KIAA1549: variants seen among roughly 807,000 people sequenced by gnomAD.
KIAA1549 encodes the protein KIAA1549, also known as UPF0606 protein KIAA1549.
In KIAA1549, 70 loss-of-function variants were observed where a neutral mutation model predicts 156.4. The observed-to-expected ratio is 0.45, with a 90% CI of 0.37 to 0.55. The LOEUF is 0.55. Among genes scored for constraint, KIAA1549 ranks in the 20% least tolerant of loss-of-function variants. The pLI is 0.00. For synonymous variants in KIAA1549, 1,103 were observed against 1,066.4 expected (o/e 1.03, Z -0.67); for missense variants, 2,428 against 2,540.9 (o/e 0.96, Z 0.96).
intron 1 of KIAA1549, among the ~76,000 whole-genome samples, chr7:138,938,869 G>A (rs143500392): frequency 0.01 from 1,524 of 152,162 alleles, 17 homozygotes; most frequent in Middle Eastern, 0.02. Context: ...CCAATACGGC[G>A]AAACCCTGTG....
At chr7:138,895,824 C>T (rs1278018931) in intron 9 of KIAA1549, among the ~76,000 whole-genome samples, 1 of 152,072 alleles carries the variant, frequency 6.6e-6, no homozygotes, top group East Asian at 1.9e-4. Context: ...ATAGGCACTG[C>T]CTTCATTGCC....
chr7:138,854,377 A>C (rs1055056572), intron 16 of KIAA1549, among the ~76,000 whole-genome samples: 20 of 152,118 alleles, frequency 1.3e-4, no homozygotes, highest in Non-Finnish European at 2.9e-4. Context: ...GTCCATAGAG[A>C]GCTTACCTTC....
At chr7:138,906,590 T>G (rs1400781399) in intron 6 of KIAA1549, among the ~76,000 whole-genome samples, 1 of 152,168 alleles carries the variant, frequency 6.6e-6, no homozygotes, top group East Asian at 1.9e-4. Context: ...CTCACTGATA[T>G]GTGGGAGCTA....
At chr7:138,924,369 A>G (rs1176858015) in intron 1 of KIAA1549, among the ~76,000 whole-genome samples, 1 of 152,130 alleles carries the variant, frequency 6.6e-6, no homozygotes, top group Non-Finnish European at 1.5e-5. Context: ...TTGCTTTGAA[A>G]TATTAGATCT....
chr7:138,976,733 A>G (rs1814392398), intron 1 of KIAA1549, among the ~76,000 whole-genome samples: 1 of 152,230 alleles, frequency 6.6e-6, no homozygotes, highest in African/African-American at 2.4e-5. Context: ...AGGGACTACT[A>G]TATCTTCAAA....
Position 138,911,211 on chromosome 7 carries a change from G to A in KIAA1549, c.3080C>T (p.Thr1027Ile), listed in dbSNP as rs746996385. The A allele has an allele frequency of 6.3e-7, 1 of 1,599,166 alleles. No individual in the cohort carries two copies. Among genetic ancestry groups the A allele is most frequent in the Middle Eastern group, 1.7e-4 (1 of 6,054 alleles). Residue 1027 changes from threonine (T) to isoleucine (I), a missense_variant, in exon 4 of 20, where the codon ACT (threonine) becomes ATT (isoleucine). Coordinates refer to ENST00000422774, the MANE Select transcript of KIAA1549 (RefSeq NM_001164665.2). ...AGGTTTCACAGACAGGATTAAAGGA[G>A]TCTGGTCACGGACAAGCTTACTGTT... ...LINSKLVRDQ[T>I]PLILSVKPSF...
intron 11 of KIAA1549, among the ~76,000 whole-genome samples, chr7:138,880,802 T>A (rs1325273754): frequency 6.6e-6 from 1 of 152,074 alleles, no homozygotes; most frequent in Non-Finnish European, 1.5e-5. Flanking sequence ...TGTGCTATAC[T>A]TTGAGAGGGG....
chr7:138,916,935 G>A lies in KIAA1549; in HGVS notation c.2691C>T (p.Asp897=), dbSNP rs1228746101. The A allele has an allele frequency of 2.5e-6, 4 of 1,610,354 alleles. No individual in the cohort carries two copies. The highest frequency in any genetic ancestry group is 2.5e-6 in the Non-Finnish European group (3 of 1,177,898). The change falls in exon 2 of 20, where the codon GAC becomes GAT. Residue 897 remains aspartate, a synonymous_variant. Coordinates refer to ENST00000422774, the MANE Select transcript of KIAA1549 (RefSeq NM_001164665.2). ...STGAATGGPL[D]STLMGDAASQ... Reference sequence around the variant, plus strand: ...TTGCGGCGTCACCCATCAGGGTGGAGTCGAGGGGACCACCAGTGGCAGCAC... The same window carrying A: ...TTGCGGCGTCACCCATCAGGGTGGAATCGAGGGGACCACCAGTGGCAGCAC...
rs115396865 is a variant in KIAA1549 at position 138,956,408 on chromosome 7, G to A, written c.187+24675C>T. Among the ~76,000 whole-genome samples, 226 of 152,262 alleles carry A rather than the reference G, an allele frequency of 1.5e-3. 1 individual carries two copies. The highest frequency in any genetic ancestry group is 5.2e-3 in the African/African-American group (216 of 41,538). On this transcript the variant is annotated intron_variant, in intron 1 of 19. Transcript: ENST00000422774. ...CTGAATTCACCAAGTGATATGGTTC[G>A]GCTGTGTCCCACCCAAATCTCATCT... is the stretch of plus-strand genomic sequence containing the variant.
At chr7:138,921,694 A>G (rs1812568942) in intron 1 of KIAA1549, among the ~76,000 whole-genome samples, 2 of 152,004 alleles carry the variant, frequency 1.3e-5, no homozygotes, top group African/African-American at 4.8e-5. Context: ...GCAAAACCCC[A>G]TCTCCACTAA....
chr7:138,848,732 G>A (rs775048093), intron 17 of KIAA1549, among the ~76,000 whole-genome samples: 3 of 152,098 alleles, frequency 2.0e-5, no homozygotes, highest in Non-Finnish European at 2.9e-5. Context: ...TTTTAGAAGA[G>A]TTTGTATAAT....
chr7:138,934,328 A>C (rs926861147), intron 1 of KIAA1549, among the ~76,000 whole-genome samples: 27 of 151,752 alleles, frequency 1.8e-4, no homozygotes, highest in African/African-American at 6.5e-4. Context: ...TCCAGAGACC[A>C]GGAAACTTTA....
chr7:138,898,881 G>A, intron 9 of KIAA1549, 74 bp downstream of exon 9: 3 of 1,311,880 alleles, frequency 2.3e-6, no homozygotes, highest in Non-Finnish European at 3.3e-6. Context: ...TACATTCAGA[G>A]CTCACTGTCA....
In KIAA1549 at chr7:138,981,165, G is replaced by T; in HGVS notation, c.105C>A (p.Arg35=). The T allele has an allele frequency of 8.5e-7, 1 of 1,175,924 alleles. No homozygotes were observed. Among genetic ancestry groups the T allele is most frequent in the Non-Finnish European group, 1.1e-6 (1 of 952,198 alleles). The allele number at this position is 1,175,924 out of a possible 1,614,324, so 72.8% of individuals were successfully genotyped here. The change falls in exon 1 of 20, where the codon CGC becomes CGA. Residue 35 remains arginine (R), a synonymous_variant. Coordinates refer to ENST00000422774, the MANE Select transcript of KIAA1549 (RefSeq NM_001164665.2). This position sits in a 1 kb window ranked among gnomAD's most constrained non-coding sequence, Gnocchi z 4.5. ...PGPSGRRPSA[R]CARRRRPGLL... ...GCCCCGGGCGGCGGCGGCGGGCGCA[G>T]CGGGCGGAAGGCCGTCGGCCGCTCG...
intron 1 of KIAA1549, among the ~76,000 whole-genome samples, chr7:138,946,851 G>A (rs1039916842): frequency 6.6e-6 from 1 of 152,148 alleles, no homozygotes; most frequent in Non-Finnish European, 1.5e-5. Context: ...AACAACAAAT[G>A]CTCGCAGGCA....
At chr7:138,940,263 T>C (rs1813141457) in intron 1 of KIAA1549, among the ~76,000 whole-genome samples, 1 of 133,794 alleles carries the variant, frequency 7.5e-6, no homozygotes, top group African/African-American at 3.3e-5. Flanking sequence ...GAACATGTGG[T>C]GTTTGGTTTT....
chr7:138,978,699 G>A (rs906721976), intron 1 of KIAA1549, among the ~76,000 whole-genome samples: 1 of 152,126 alleles, frequency 6.6e-6, no homozygotes, highest in East Asian at 1.9e-4. Flanking sequence ...TCCAAAACAG[G>A]TCTAAGCCAT....
intron 1 of KIAA1549, among the ~76,000 whole-genome samples, chr7:138,931,751 T>C (rs1210221375): frequency 3.8e-5 from 2 of 52,970 alleles, no homozygotes; most frequent in Admixed American, 1.9e-4. Context: ...AAGTCCCATC[T>C]CAAAAAAAAA....
intron 17 of KIAA1549, among the ~76,000 whole-genome samples, chr7:138,848,810 T>C (rs1465334046): frequency 6.6e-6 from 1 of 152,230 alleles, no homozygotes; most frequent in Non-Finnish European, 1.5e-5. Context: ...CCTGGAGTTT[T>C]GTTTGTGGGA....
Sources: gnomAD v4.1 joint callset for allele counts (sites outside exome capture counted in the v4.1 genomes callset) on GRCh38, gnomAD v4.1.1 for gene constraint, Gnocchi (gnomAD v3.1) non-coding constraint, MANE v1.5 for transcripts, NCBI Gene and HGNC (gene_info 2026-07-23, HGNC 2026-07-21) for gene names.